Variants in TENM2 observed in about 807,000 individuals in gnomAD.
TENM2 encodes the protein teneurin transmembrane protein 2, also known as teneurin-2.
A neutral mutation model predicts 245.2 loss-of-function variants in TENM2; 52 were observed. That is an observed-to-expected ratio of 0.21 (90% CI 0.17 to 0.27). The LOEUF (loss-of-function observed/expected upper bound fraction) is 0.27, where lower values mean the gene tolerates loss of function less well. Ranked by LOEUF, TENM2 falls within the 10% of genes least tolerant of loss-of-function variation. The pLI is 1.00. For missense variants in TENM2, 3,046 were observed against 3,666.8 expected, an observed-to-expected ratio of 0.83 and a Z score of 4.37; for synonymous variants, 1,363 against 1,438.9, an observed-to-expected ratio of 0.95 and a Z score of 1.19.
intron 13 of TENM2, among the ~76,000 whole-genome samples, chr5:168,189,116 C>T (rs1445461795): frequency 1.3e-5 from 2 of 152,178 alleles, no homozygotes; most frequent in African/African-American, 4.8e-5. Flanking sequence ...TCTGGGGTCT[C>T]ATTTATAAGG....
At chr5:167,044,656 C>G in the TENM2 span, among the ~76,000 whole-genome samples, 1 of 152,128 alleles carries the variant, frequency 6.6e-6, no homozygotes, top group Non-Finnish European at 1.5e-5. Flanking sequence ...GGAAGAGCCA[C>G]TGGTGTAGAA....
intron 2 of TENM2, among the ~76,000 whole-genome samples, chr5:167,788,609 G>A (rs886150095): frequency 2.0e-5 from 3 of 152,190 alleles, no homozygotes; most frequent in Non-Finnish European, 4.4e-5. Context: ...ATCACATAAC[G>A]GGTCTTCAAC....
the TENM2 span, among the ~76,000 whole-genome samples, chr5:167,169,301 G>A: frequency 3.9e-4 from 60 of 152,240 alleles, 1 homozygote; most frequent in East Asian, 0.01. Flanking sequence ...AAAATGGGAT[G>A]ATAGTAATAG....
chr5:167,912,615 G>A (rs933548368), intron 3 of TENM2, among the ~76,000 whole-genome samples: 52 of 152,258 alleles, frequency 3.4e-4, no homozygotes, highest in Middle Eastern at 3.4e-3. Flanking sequence ...AGCTCCTGAA[G>A]GGAAGGGCAC....
intron 2 of TENM2, among the ~76,000 whole-genome samples, chr5:167,766,844 A>C (rs34206266): frequency 6.6e-6 from 1 of 152,048 alleles, no homozygotes; most frequent in African/African-American, 2.4e-5. Context: ...GTGCCACTAC[A>C]CTCCAGCCTG....
chr5:167,080,778 A>C, the TENM2 span, among the ~76,000 whole-genome samples: 5 of 152,290 alleles, frequency 3.3e-5, no homozygotes, highest in Admixed American at 3.3e-4. Flanking sequence ...TTCTCAAAGA[A>C]TATGTAAGAA....
chr5:167,445,336 T>TATATAGAGAGAGAGAGAG (rs368881390), intron 2 of TENM2, among the ~76,000 whole-genome samples: 51 of 77,276 alleles, frequency 6.6e-4, no homozygotes, highest in African/African-American at 1.3e-3. Context: ...TATATATATA[T>TATATAGAGAGAGAGAGAG]AGAGAGAGAG....
chr5:167,034,099 T>C, the TENM2 span, among the ~76,000 whole-genome samples: 1 of 152,322 alleles, frequency 6.6e-6, no homozygotes, highest in Admixed American at 6.5e-5. Context: ...TACCTTAATT[T>C]TTCTAACTCC....
rs531485676 is a variant in TENM2, at chr5:168,079,285, C to G, written c.1516-11289C>G. Among the ~76,000 whole-genome samples the G allele has an allele frequency of 3.6e-3, 553 of 152,294 alleles. 4 individuals are homozygous for G. Among genetic ancestry groups the G allele is most frequent in the African/African-American group, 0.013 (529 of 41,558 alleles). On this transcript the variant is annotated intron_variant, in intron 7 of 28. Coordinates refer to ENST00000518659, the Ensembl canonical transcript of TENM2. ...TGATTTTTGCACATTGATTTTGTAT[C>G]CTGAGACTTTGCTGAAGTTGCTTAT...
At chr5:167,954,691 C>T (rs1214447026) in intron 4 of TENM2, among the ~76,000 whole-genome samples, 1 of 152,150 alleles carries the variant, frequency 6.6e-6, no homozygotes, top group Non-Finnish European at 1.5e-5. Flanking sequence ...TGTTCAGCTC[C>T]CACTTATGAG....
chr5:167,517,287 A>AT, intron 2 of TENM2, among the ~76,000 whole-genome samples: 1 of 152,298 alleles, frequency 6.6e-6, no homozygotes, highest in East Asian at 1.9e-4. Flanking sequence ...ATATGTTTAT[A>AT]ATTTAGTGAC....
chr5:167,682,657 A>G (rs1756811093), intron 2 of TENM2, among the ~76,000 whole-genome samples: 1 of 151,878 alleles, frequency 6.6e-6, no homozygotes, highest in African/African-American at 2.4e-5. Flanking sequence ...AACCGTTCGT[A>G]TTTATATGTA....
chr5:168,250,660 C>T (rs1046894098), intron 27 of TENM2, among the ~76,000 whole-genome samples: 1 of 152,166 alleles, frequency 6.6e-6, no homozygotes, highest in Non-Finnish European at 1.5e-5. Flanking sequence ...CCAGAATCCC[C>T]AAGCCCCAGA....
the TENM2 span, among the ~76,000 whole-genome samples, chr5:167,161,619 C>T: frequency 3.5e-4 from 53 of 151,898 alleles, no homozygotes; most frequent in East Asian, 1.4e-3. Context: ...ATTTTTTTTC[C>T]GCTTCAGTAT....
At chr5:167,529,658 T>G (rs1305403546) in intron 2 of TENM2, among the ~76,000 whole-genome samples, 4 of 152,066 alleles carry the variant, frequency 2.6e-5, no homozygotes, top group Admixed American at 6.6e-5. Flanking sequence ...GTTAATGGGG[T>G]TCTGTTGATT....
Position 168,248,158 on chromosome 5 carries a change from A to G in TENM2, c.7219A>G (p.Met2407Val), listed in dbSNP as rs1766763467. 3.1e-6 allele frequency: 5 copies of G among 1,613,976 alleles called. No homozygotes were observed. In the East Asian group the frequency reaches 1.1e-4, roughly 36 times the overall value. Reference sequence around the variant, plus strand: ...TTATGACTCCAACCCCGACTTCCAGATGGTCATTGGCTTCCATGGGGGACT... The same window carrying G: ...TTATGACTCCAACCCCGACTTCCAGGTGGTCATTGGCTTCCATGGGGGACT... Residue 2407 changes from methionine to valine, a missense_variant, in exon 27 of 29, where the codon ATG becomes GTG. By Grantham distance (21) the Met-to-Val change is conservative. This residue lies in a region of TENM2 where 2,704 missense variants were observed against 3,331.9 expected (regional missense o/e 0.81). Transcript: ENST00000518659.
intron 2 of TENM2, among the ~76,000 whole-genome samples, chr5:167,836,350 G>T (rs1768985279): frequency 6.6e-6 from 1 of 152,098 alleles, no homozygotes; most frequent in Admixed American, 6.5e-5. Context: ...TTCCGACCAG[G>T]CCCTACCTCC....
At chr5:167,144,195 TG>T in the TENM2 span, among the ~76,000 whole-genome samples, 1 of 152,046 alleles carries the variant, frequency 6.6e-6, no homozygotes. Context: ...AGTACGCTGG[TG>T]GTGGGAGCGG....
intron 2 of TENM2, among the ~76,000 whole-genome samples, chr5:167,685,441 T>C (rs763007457): frequency 9.9e-5 from 15 of 152,160 alleles, no homozygotes; most frequent in Admixed American, 6.6e-5. Context: ...TCGGCCTTCT[T>C]TTTCCTTCTG....
Sources: gnomAD v4.1 joint callset for allele counts (sites outside exome capture counted in the v4.1 genomes callset) on GRCh38, gnomAD v4.1.1 for gene constraint, gnomAD v4.1.1 regional missense constraint, MANE v1.5 for transcripts, NCBI Gene and HGNC (gene_info 2026-07-23, HGNC 2026-07-21) for gene names.